Variants in DDX24 observed in about 807,000 individuals in gnomAD.
The protein encoded by DDX24 is DEAD-box helicase 24, also known as ATP-dependent RNA helicase DDX24.
In DDX24, 24 loss-of-function variants were observed where a neutral mutation model predicts 68.9. That is an observed-to-expected ratio of 0.35 (90% CI 0.25 to 0.49). The LOEUF (loss-of-function observed/expected upper bound fraction) is 0.49. Among genes scored for constraint, DDX24 ranks in the 20% least tolerant of loss-of-function variants. The pLI is 0.99. For synonymous variants in DDX24, 395 were observed against 385.2 expected (o/e 1.03, Z -0.30); for missense variants, 989 against 1,039.0 (o/e 0.95, Z 0.66).
At chr14:94,066,901 C>A (rs1173736921) in intron 2 of DDX24, among the ~76,000 whole-genome samples, 1 of 152,188 alleles carries the variant, frequency 6.6e-6, no homozygotes, top group Non-Finnish European at 1.5e-5. Flanking sequence ...AGAAAACCAA[C>A]CCTGGTAATA....
At chr14:94,078,975 C>T in intron 2 of DDX24, 50 bp downstream of exon 2, 1 of 1,539,462 alleles carries the variant, frequency 6.5e-7, no homozygotes, top group Non-Finnish European at 8.8e-7. Flanking sequence ...CTATTAGCAG[C>T]TATGGGCTCA....
intron 8 of DDX24, among the ~76,000 whole-genome samples, chr14:94,052,444 GAGA>G (rs34625543): frequency 0.021 from 3,233 of 152,332 alleles, 106 homozygotes; most frequent in African/African-American, 0.074. Context: ...CATGAAAGTG[GAGA>G]AGATCAAATG....
At chr14:94,069,015 G>A (rs143580273) in intron 2 of DDX24, among the ~76,000 whole-genome samples, 1,906 of 152,120 alleles carry the variant, frequency 0.013, 43 homozygotes, top group African/African-American at 0.042. Flanking sequence ...GCCAAGATCA[G>A]AGCAGAACTA....
chr14:94,079,617 T>G lies in DDX24; in HGVS notation c.126A>C (p.Gly42=), dbSNP rs1886018186. Residue 42 remains glycine (G), a synonymous_variant, in exon 2 of 9, where the codon GGA becomes GGC. Transcript: ENST00000621632. ...VKIDPNMFAD[G]QMDDLVCFEE... Reference sequence around the variant, plus strand: ...CAAAGCACACCAAGTCATCCATCTGTCCATCTGCAAACATATTTGGGTCAA... The same window carrying G: ...CAAAGCACACCAAGTCATCCATCTGGCCATCTGCAAACATATTTGGGTCAA... 1 of 1,614,162 alleles carries G rather than the reference T, an allele frequency of 6.2e-7. No individual in the cohort carries two copies. Among genetic ancestry groups the G allele is most frequent in the African/African-American group, 1.3e-5 (1 of 75,030 alleles).
At chr14:94,073,828 G>A (rs1362863561) in intron 2 of DDX24, among the ~76,000 whole-genome samples, 1 of 152,036 alleles carries the variant, frequency 6.6e-6, no homozygotes, top group Non-Finnish European at 1.5e-5. Flanking sequence ...CAGATCACGA[G>A]GTCAGGAAAT....
intron 2 of DDX24, among the ~76,000 whole-genome samples, chr14:94,072,856 T>C (rs1885860700): frequency 6.6e-6 from 1 of 151,500 alleles, no homozygotes; most frequent in Non-Finnish European, 1.5e-5. Context: ...AAAAACTTGC[T>C]CATGTAACCA....
At chr14:94,057,729 G>A in intron 6 of DDX24, 93 bp downstream of exon 6, 1 of 1,239,560 alleles carries the variant, frequency 8.1e-7, no homozygotes, top group South Asian at 1.4e-5. Context: ...AAGAGCCTTG[G>A]AACCAACAAT....
intron 3 of DDX24, 110 bp downstream of exon 3, chr14:94,061,987 T>G: frequency 8.2e-7 from 1 of 1,212,980 alleles, no homozygotes; most frequent in South Asian, 1.6e-5. Flanking sequence ...GTCTGGCTTA[T>G]AGATGAGAGT....
intron 1 of DDX24, among the ~76,000 whole-genome samples, chr14:94,080,073 G>T (rs1209653782): frequency 1.3e-5 from 2 of 152,226 alleles, no homozygotes; most frequent in African/African-American, 4.8e-5. Flanking sequence ...AAAAAGGGGG[G>T]AGGGTACCTA....
chr14:94,053,127 C>T lies in DDX24; in HGVS notation c.2179G>A (p.Glu727Lys). The T allele has an allele frequency of 1.2e-6, 2 of 1,614,046 alleles. No individual in the cohort carries two copies. Among genetic ancestry groups the T allele is most frequent in the Non-Finnish European group, 1.7e-6 (2 of 1,180,010 alleles). ...ATCTGTCGAGCTAAACGGATTCGCTCCTGGGGGGAAGTAACAGAAAATATT... is the reference window on the plus strand; with the variant it reads ...ATCTGTCGAGCTAAACGGATTCGCTTCTGGGGGGAAGTAACAGAAAATATT... ...VQTKYMDVVK[E>K]RIRLARQIEK... The change falls in exon 8 of 9, where the codon GAG becomes AAG. Residue 727 changes from glutamate to lysine, a missense_variant and splice_region_variant. This residue lies in a region of DDX24 where 691 missense variants were observed against 760.0 expected (regional missense o/e 0.91). Coordinates refer to ENST00000621632, the MANE Select transcript of DDX24 (RefSeq NM_020414.4).
In DDX24 at chr14:94,079,360, T is replaced by C. The variant is rs374477204; in HGVS notation, c.383A>G (p.Gln128Arg). The change falls in exon 2 of 9, where the codon CAG becomes CGG. Residue 128 changes from glutamine (Q) to arginine (R), a missense_variant. Gln to Arg is a conservative substitution (Grantham distance 43, BLOSUM62 1). Transcript: ENST00000621632. Reference protein sequence around the residue: ...FEVKDPELEAQGDDMVCDDPE... With the variant: ...FEVKDPELEARGDDMVCDDPE... ...ATCATCACAAACCATGTCATCTCCC[T>C]GGGCCTCCAGCTCAGGATCTTTCAC... 2 of 1,613,964 alleles carry C rather than the reference T, an allele frequency of 1.2e-6. No individual in the cohort carries two copies. The highest frequency in any genetic ancestry group is 2.2e-5 in the East Asian group (1 of 44,896).
chr14:94,077,335 G>C (rs1453495376), intron 2 of DDX24, among the ~76,000 whole-genome samples: 1 of 152,188 alleles, frequency 6.6e-6, no homozygotes, highest in Non-Finnish European at 1.5e-5. Context: ...TTCACAACCT[G>C]ACAGGAACTG....
chr14:94,079,805 G>GT, intron 1 of DDX24, 58 bp from the exon 2 acceptor site: 1 of 1,494,188 alleles, frequency 6.7e-7, no homozygotes, highest in East Asian at 2.3e-5. Flanking sequence ...GGGTTCTGAT[G>GT]TAACAAATAT....
intron 7 of DDX24, among the ~76,000 whole-genome samples, chr14:94,054,473 T>C (rs1001172261): frequency 6.6e-6 from 1 of 152,162 alleles, no homozygotes; most frequent in African/African-American, 2.4e-5. Flanking sequence ...TCCATACTGC[T>C]CCACTGTACC....
chr14:94,071,069 T>C (rs538140484), intron 2 of DDX24, among the ~76,000 whole-genome samples: 9 of 152,138 alleles, frequency 5.9e-5, no homozygotes, highest in Admixed American at 2.6e-4. Flanking sequence ...GCAAACTAAA[T>C]AGACAACCCA....
intron 2 of DDX24, among the ~76,000 whole-genome samples, chr14:94,076,865 G>C (rs1885951737): frequency 6.6e-6 from 1 of 151,942 alleles, no homozygotes; most frequent in African/African-American, 2.4e-5. Flanking sequence ...TTTGAAGGTA[G>C]GGGTCCACTT....
At chr14:94,080,276 A>C (rs1432185341) in intron 1 of DDX24, among the ~76,000 whole-genome samples, 3 of 152,210 alleles carry the variant, frequency 2.0e-5, no homozygotes, top group Non-Finnish European at 4.4e-5. Flanking sequence ...CTGAGAGAGC[A>C]AATGCCTGCT....
In DDX24 at chr14:94,061,000, C is replaced by T. The variant is rs766908609; in HGVS notation, c.1310G>A (p.Arg437His). 6.8e-6 allele frequency: 11 copies of T among 1,614,044 alleles called. No homozygotes were observed. The highest frequency in any genetic ancestry group is 4.0e-5 in the African/African-American group (3 of 74,900). Residue 437 changes from arginine to histidine, a missense_variant, in exon 4 of 9, where the codon CGT becomes CAT. By Grantham distance (29) the Arg-to-His change is conservative. Around this residue, in one of 3 missense-constraint regions of DDX24, gnomAD observed 691 missense variants for 760.0 expected, o/e 0.91. Transcript: ENST00000621632. ...TGGAGTAGCAACCACAATCTCAGGACGACGGTTCAGCATCCTCTGCTGTTT... is the reference window on the plus strand; with the variant it reads ...TGGAGTAGCAACCACAATCTCAGGATGACGGTTCAGCATCCTCTGCTGTTT... ...TQKQQRMLNR[R>H]PEIVVATPGR...
In DDX24 at chr14:94,049,429, G is replaced by A. The variant is rs1021474809; in HGVS notation, c.*1762C>T. On this transcript the variant is annotated 3_prime_UTR_variant, in exon 9 of 9. Transcript: ENST00000621632. ...CCTATTCCGGTCACTGGTGACACTG[G>A]GGGATGGGAGGCCATTCCTTGGCAA... is the stretch of plus-strand genomic sequence containing the variant. 4 of 152,232 alleles carry A rather than the reference G, an allele frequency of 2.6e-5. No individual in the cohort carries two copies. The highest frequency in any genetic ancestry group is 2.6e-4 in the Admixed American group (4 of 15,282). 9.4% of individuals were successfully genotyped at this position (152,232 alleles called of 1,614,324 possible). A position where few individuals can be genotyped will look rare whatever the true frequency, so the allele number is the denominator to read the frequency against.
Sources: allele counts gnomAD v4.1 joint callset (sites outside exome capture counted in the v4.1 genomes callset), GRCh38; gene constraint gnomAD v4.1.1; regional missense constraint gnomAD v4.1.1; transcripts MANE v1.5; gene names NCBI Gene and HGNC (gene_info 2026-07-23, HGNC 2026-07-21).